The following RALYL variants were observed in gnomAD, a reference collection of about 807,000 sequenced individuals.
RALYL encodes the protein RALY RNA binding protein like, also known as RNA-binding Raly-like protein.
In RALYL, 29 loss-of-function variants were observed where a neutral mutation model predicts 35.1. The ratio of observed to expected loss-of-function variants is 0.83; its 90% confidence interval spans 0.61 to 1.13. The LOEUF is 1.13. Ranked by LOEUF, RALYL falls within the 50% of genes most tolerant of loss-of-function variation. The pLI is 0.00. For synonymous variants in RALYL, 120 were observed against 127.6 expected, an observed-to-expected ratio of 0.94 and a Z score of 0.40; for missense variants, 359 against 360.4, an observed-to-expected ratio of 1.00 and a Z score of 0.03.
chr8:84,572,205 G>GT (rs754041685), intron 2 of RALYL, among the ~76,000 whole-genome samples: 8 of 149,070 alleles, frequency 5.4e-5, no homozygotes, highest in South Asian at 2.1e-4. Context: ...TTTGGGTCTT[G>GT]TTTTTTTTGT....
chr8:84,515,114 T>TA (rs1257964531), intron 1 of RALYL, among the ~76,000 whole-genome samples: 4 of 152,218 alleles, frequency 2.6e-5, no homozygotes, highest in African/African-American at 9.6e-5. Flanking sequence ...TCTGCAAAGT[T>TA]AAAGTCATTA....
At chr8:84,334,687 TC>T (rs1221980202) in intron 1 of RALYL, among the ~76,000 whole-genome samples, 1 of 152,108 alleles carries the variant, frequency 6.6e-6, no homozygotes, top group African/African-American at 2.4e-5. Flanking sequence ...TTCTTCCTAA[TC>T]CACAATCCAA....
At chr8:84,584,788 A>C (rs1460063310) in intron 2 of RALYL, among the ~76,000 whole-genome samples, 1 of 152,198 alleles carries the variant, frequency 6.6e-6, no homozygotes, top group Non-Finnish European at 1.5e-5. Context: ...AAGATGTGGG[A>C]TCCCTAAGTT....
chr8:84,265,736 G>T (rs1187935949), intron 1 of RALYL, among the ~76,000 whole-genome samples: 1 of 151,834 alleles, frequency 6.6e-6, no homozygotes, highest in Non-Finnish European at 1.5e-5. Flanking sequence ...CCATCACAGT[G>T]ATGGTTCAGG....
At chr8:84,478,351 A>G (rs1251925802) in intron 1 of RALYL, among the ~76,000 whole-genome samples, 1 of 152,216 alleles carries the variant, frequency 6.6e-6, no homozygotes, top group East Asian at 1.9e-4. Flanking sequence ...AAGATGAATA[A>G]ATTAAAAATT....
intron 2 of RALYL, among the ~76,000 whole-genome samples, chr8:84,673,819 CCA>C (rs1833708291): frequency 6.6e-6 from 1 of 152,118 alleles, no homozygotes; most frequent in African/African-American, 2.4e-5. Flanking sequence ...TGCAACGCCT[CCA>C]GTTTTGTTTC....
Position 84,609,137 on chromosome 8 carries a change from T to C in RALYL, c.256+79560T>C, listed in dbSNP as rs138194359. Among the ~76,000 whole-genome samples, 6 of 152,272 alleles carry C rather than the reference T, an allele frequency of 3.9e-5. No homozygotes were observed. In the East Asian group the frequency reaches 1.2e-3, roughly 29 times the overall value. On this transcript the variant is annotated intron_variant, in intron 2 of 8. Coordinates refer to ENST00000521268, the MANE Select transcript of RALYL (RefSeq NM_173848.7). ...ATTTCTGAAAAACGTTCACCTTTGC[T>C]GCATTGCTGCTCCATACATCAAAGA... is the stretch of plus-strand genomic sequence containing the variant.
intron 6 of RALYL, among the ~76,000 whole-genome samples, chr8:84,872,000 T>G (rs879538748): frequency 6.6e-6 from 1 of 152,138 alleles, no homozygotes; most frequent in Non-Finnish European, 1.5e-5. Flanking sequence ...TCTAATTTCC[T>G]CAGAAATTTC....
At chr8:84,383,828 T>G (rs1035138215) in intron 1 of RALYL, among the ~76,000 whole-genome samples, 5 of 149,586 alleles carry the variant, frequency 3.3e-5, no homozygotes, top group African/African-American at 1.2e-4. Context: ...GTGTCAAGTC[T>G]GGATAAATAA....
At chr8:84,433,560 C>T (rs980457474) in intron 1 of RALYL, among the ~76,000 whole-genome samples, 1 of 151,956 alleles carries the variant, frequency 6.6e-6, no homozygotes, top group African/African-American at 2.4e-5. Flanking sequence ...CTGGTCTTTC[C>T]TGTGCTATTC....
intron 4 of RALYL, among the ~76,000 whole-genome samples, chr8:84,846,846 T>A (rs1834771161): frequency 6.6e-6 from 1 of 152,222 alleles, no homozygotes; most frequent in Non-Finnish European, 1.5e-5. Flanking sequence ...TTCTGTGGGA[T>A]TGATTGTAAT....
intron 8 of RALYL, among the ~76,000 whole-genome samples, chr8:84,891,666 A>AC (rs1843872528): frequency 6.6e-6 from 1 of 152,146 alleles, no homozygotes; most frequent in Non-Finnish European, 1.5e-5. Context: ...GACTTGGAAA[A>AC]TAATAAATGA....
chr8:84,572,135 C>A (rs2135800700), intron 2 of RALYL, among the ~76,000 whole-genome samples: 1 of 151,840 alleles, frequency 6.6e-6, no homozygotes, highest in South Asian at 2.1e-4. Context: ...CAGTTTAAGT[C>A]CAAAGTTGAG....
At chr8:84,407,968 G>GGCT (rs1374980518) in intron 1 of RALYL, among the ~76,000 whole-genome samples, 6 of 151,896 alleles carry the variant, frequency 4.0e-5, no homozygotes, top group Admixed American at 2.0e-4. Context: ...ATAAATCCAG[G>GGCT]GCTGTCTCTA....
intron 1 of RALYL, among the ~76,000 whole-genome samples, chr8:84,436,513 A>AAAG (rs1361868433): frequency 1.3e-5 from 2 of 150,742 alleles, no homozygotes; most frequent in Non-Finnish European, 3.0e-5. Context: ...GAGGCACTAA[A>AAAG]AAGAGAGTGT....
intron 1 of RALYL, among the ~76,000 whole-genome samples, chr8:84,296,756 A>G (rs1839834760): frequency 6.6e-6 from 1 of 151,584 alleles, no homozygotes; most frequent in African/African-American, 2.4e-5. Flanking sequence ...CTTTTGCTTA[A>G]AAATGATCAA....
chr8:84,226,398 T>G (rs1050071950), intron 1 of RALYL, among the ~76,000 whole-genome samples: 1 of 152,062 alleles, frequency 6.6e-6, no homozygotes, highest in Non-Finnish European at 1.5e-5. Context: ...TTTTTGGTTG[T>G]TTGTTTTTGT....
At chr8:84,825,227 A>C (rs1024490973) in intron 4 of RALYL, among the ~76,000 whole-genome samples, 3 of 152,216 alleles carry the variant, frequency 2.0e-5, no homozygotes, top group East Asian at 3.8e-4. Context: ...ACAGGCTGCC[A>C]ACAAACATAT....
intron 1 of RALYL, among the ~76,000 whole-genome samples, chr8:84,243,308 C>T (rs1178888460): frequency 6.6e-6 from 1 of 151,896 alleles, no homozygotes; most frequent in Admixed American, 6.6e-5. Flanking sequence ...ACTTGGCTAT[C>T]CAGGCTGTTT....
Sources: gnomAD v4.1 joint callset for allele counts (sites outside exome capture counted in the v4.1 genomes callset) on GRCh38, gnomAD v4.1.1 for gene constraint, MANE v1.5 for transcripts, NCBI Gene and HGNC (gene_info 2026-07-23, HGNC 2026-07-21) for gene names.